The following RBM5 variants were observed in gnomAD, a reference collection of about 807,000 sequenced individuals.
RBM5 encodes RNA binding motif protein 5, also known as RNA-binding protein 5.
A neutral mutation model predicts 124.6 loss-of-function variants in RBM5; 15 were observed. The ratio of observed to expected loss-of-function variants is 0.12; its 90% CI spans 0.08 to 0.19. The LOEUF (loss-of-function observed/expected upper bound fraction) is 0.19. Ranked by LOEUF, RBM5 falls within the 10% of genes least tolerant of loss-of-function variation. The pLI, the probability that RBM5 is intolerant of heterozygous loss-of-function variation, is 1.00. For synonymous variants in RBM5, 337 were observed against 361.2 expected (o/e 0.93, Z 0.76); for missense variants, 580 against 1,026.5 (o/e 0.57, Z 5.94).
Position 50,093,782 on chromosome 3 carries a change from T to C in RBM5, c.246T>C (p.Tyr82=), listed in dbSNP as rs562253492. The change falls in exon 4 of 25, where the codon TAT becomes TAC. Residue 82 remains tyrosine (Y), a synonymous_variant. Coordinates refer to ENST00000347869, the MANE Select transcript of RBM5 (RefSeq NM_005778.4). ...ATGGCTACCATTCAGATGGTGACTA[T>C]GGTGAGCACGACTATAGGCATGACA... ...SEDGYHSDGD[Y]GEHDYRHDIS... 6 of 1,614,046 alleles carry C rather than the reference T, an allele frequency of 3.7e-6. No homozygotes were observed. The Admixed American group carries it at 6.7e-5, about 18-fold the overall frequency.
chr3:50,097,211 C>T (rs531708242), intron 4 of RBM5, among the ~76,000 whole-genome samples: 3 of 151,946 alleles, frequency 2.0e-5, no homozygotes, highest in South Asian at 2.1e-4. Flanking sequence ...CTGGCTAGCA[C>T]GGTGAAACCC....
At chr3:50,103,041 G>A in intron 6 of RBM5, 42 bp from the exon 7 acceptor site, 1 of 1,448,508 alleles carries the variant, frequency 6.9e-7, no homozygotes. Flanking sequence ...ATGGACACAT[G>A]TTCCTCACAA....
chr3:50,092,317 T>C, intron 3 of RBM5, 109 bp downstream of exon 3: 2 of 1,260,684 alleles, frequency 1.6e-6, no homozygotes, highest in Non-Finnish European at 2.2e-6. Context: ...ATCCTATCAC[T>C]TTGGGAGGCC....
In RBM5 at chr3:50,100,694, A is replaced by G. The variant is rs1178841539; in HGVS notation, c.483+89A>G. ...AAGGTTGAAGGAGTGGTTTGTTCCA[A>G]AGGAGTGACTTTTTTTTAAAAAAAA... is the stretch of plus-strand genomic sequence containing the variant. On this transcript the variant is annotated intron_variant, in intron 6 of 24. Coordinates refer to ENST00000347869, the MANE Select transcript of RBM5 (RefSeq NM_005778.4). This position sits in a 1 kb window ranked among gnomAD's most constrained non-coding sequence, Gnocchi z 5.1. The G allele has an allele frequency of 1.9e-6, 2 of 1,060,106 alleles. No homozygotes were observed. Among genetic ancestry groups the G allele is most frequent in the East Asian group, 4.9e-5 (2 of 40,484 alleles). 65.7% of individuals were successfully genotyped at this position (1,060,106 alleles called of 1,614,324 possible).
chr3:50,106,648 C>G, intron 10 of RBM5, 119 bp from the exon 11 acceptor site: 1 of 698,182 alleles, frequency 1.4e-6, no homozygotes. Flanking sequence ...TCTGCAAACA[C>G]AATAAGGAAT....
intron 22 of RBM5, chr3:50,116,816 G>C (rs557236628): frequency 4.4e-6 from 2 of 459,002 alleles, no homozygotes; most frequent in South Asian, 2.1e-5. Context: ...CTTGACAGAG[G>C]GTGGCTAATT....
chr3:50,100,131 C>A lies in RBM5; in HGVS notation c.409+80C>A. ...GTCCCTAAAGAACATCCTGATTCCC[C>A]CAGTCTTCAAGCACATGAATTCAGA... On this transcript the variant is annotated intron_variant, in intron 5 of 24. Transcript: ENST00000347869. The surrounding 1 kb of genome is among the most constrained non-coding windows in gnomAD (Gnocchi z 5.1). 1 of 1,262,916 alleles carries A rather than the reference C, an allele frequency of 7.9e-7. No individual in the cohort carries two copies. Among genetic ancestry groups the A allele is most frequent in the South Asian group, 1.3e-5 (1 of 74,688 alleles). 78.2% of individuals were successfully genotyped at this position (1,262,916 alleles called of 1,614,324 possible). A position where few individuals can be genotyped will look rare whatever the true frequency, so the allele number is the denominator to read the frequency against.
intron 15 of RBM5, chr3:50,109,921 T>C (rs148674728): frequency 1.5e-5 from 6 of 402,542 alleles, no homozygotes; most frequent in African/African-American, 1.2e-4. Flanking sequence ...CTTTAGAAAG[T>C]TGTCGCCGGG....
At chr3:50,104,512 A>G in intron 8 of RBM5, 1 of 545,390 alleles carries the variant, frequency 1.8e-6, no homozygotes, top group Non-Finnish European at 3.3e-6. Flanking sequence ...GTGTGGTGGC[A>G]CACACCTGTA....
intron 4 of RBM5, among the ~76,000 whole-genome samples, chr3:50,095,652 G>C (rs1463888431): frequency 6.6e-6 from 1 of 151,642 alleles, no homozygotes; most frequent in African/African-American, 2.4e-5. Context: ...TGATCTATCG[G>C]GCAGAGCTTC....
Position 50,118,559 on chromosome 3 carries a change from T to C in RBM5, c.*103T>C. ...TTAAGGGCATGCCTTGTGCTGTTAA[T>C]AGATCTTAGGGTGAACCACTTCATT... On this transcript the variant is annotated 3_prime_UTR_variant, in exon 25 of 25. Coordinates refer to ENST00000347869, the MANE Select transcript of RBM5 (RefSeq NM_005778.4). The C allele has an allele frequency of 2.0e-6, 3 of 1,468,054 alleles. No homozygotes were observed. The highest frequency in any genetic ancestry group is 2.8e-6 in the Non-Finnish European group (3 of 1,087,854). 90.9% of individuals were successfully genotyped at this position (1,468,054 alleles called of 1,614,324 possible).
chr3:50,106,008 G>A (rs1453611027), intron 10 of RBM5, among the ~76,000 whole-genome samples: 1 of 151,846 alleles, frequency 6.6e-6, no homozygotes, highest in East Asian at 1.9e-4. Flanking sequence ...GCTGGAGTGC[G>A]GTGGCACCAT....
At chr3:50,099,697 CAAAA>C (rs879899576) in intron 4 of RBM5, 3 of 133,378 alleles carry the variant, frequency 2.2e-5, no homozygotes, top group Non-Finnish European at 4.5e-5. Flanking sequence ...GACTCCGTCT[CAAAA>C]AAAAAAAAAA....
rs1354566857 is a variant in RBM5 at position 50,117,395 on chromosome 3, A to G, written c.2322+16A>G. On this transcript the variant is annotated intron_variant, in intron 24 of 24. Transcript: ENST00000347869. The surrounding 1 kb of genome is among the most constrained non-coding windows in gnomAD (Gnocchi z 4.2). ...TCCCATTGAGGTAAGCAGTGGGGTC[A>G]GGTCTTGATGTTTGCCAGGCTTACA... 6.2e-7 allele frequency: 1 copy of G among 1,613,244 alleles called. No homozygotes were observed. Among genetic ancestry groups the G allele is most frequent in the East Asian group, 2.2e-5 (1 of 44,878 alleles).
rs556944615 is a variant in RBM5 at position 50,093,138 on chromosome 3, CA to C, written c.184-568del. ...TGGACGACAGAGGGAGACTCTGTCT[CA>C]AAAAAAAAAAAAACCAGAAGGCCGG... On this transcript the variant is annotated intron_variant, in intron 3 of 24. Coordinates refer to ENST00000347869, the MANE Select transcript of RBM5 (RefSeq NM_005778.4). The C allele has an allele frequency of 4.3e-3, 373 of 86,466 alleles. 2 individuals are homozygous for C. Among genetic ancestry groups the C allele is most frequent in the South Asian group, 0.034 (98 of 2,878 alleles). 5.4% of individuals were successfully genotyped at this position (86,466 alleles called of 1,614,324 possible).
chr3:50,095,564 C>T (rs1227292886), intron 4 of RBM5, among the ~76,000 whole-genome samples: 1 of 151,888 alleles, frequency 6.6e-6, no homozygotes, highest in Non-Finnish European at 1.5e-5. Context: ...ACCCTACTTT[C>T]CACATCCTGG....
Position 50,118,171 on chromosome 3 carries a change from T to C in RBM5, c.2323-160T>C, listed in dbSNP as rs544999434. ...GCCCATTTTATTCCTCCAGTCCTTA[T>C]ACTTGCTCCTGGTCTCTTCTGGAGA... On this transcript the variant is annotated intron_variant, in intron 24 of 24. Transcript: ENST00000347869. 24 of 995,154 alleles carry C rather than the reference T, an allele frequency of 2.4e-5. No homozygotes were observed. In the Admixed American group the frequency reaches 4.2e-4, roughly 18 times the overall value. The allele number at this position is 995,154 out of a possible 1,614,324, so 61.6% of individuals were successfully genotyped here.
intron 22 of RBM5, chr3:50,116,349 G>A (rs746636489): frequency 3.2e-5 from 7 of 219,502 alleles, no homozygotes; most frequent in East Asian, 1.1e-4. Flanking sequence ...ACAGCAGGAC[G>A]TGAGGTTATT....
chr3:50,102,882 G>A (rs1040324501), intron 6 of RBM5: 6 of 555,262 alleles, frequency 1.1e-5, no homozygotes, highest in African/African-American at 5.7e-5. Context: ...CCCTGACTCC[G>A]TTTACCTTTA....
Sources: gnomAD v4.1 joint callset for allele counts (sites outside exome capture counted in the v4.1 genomes callset) on GRCh38, gnomAD v4.1.1 for gene constraint, Gnocchi (gnomAD v3.1) non-coding constraint, MANE v1.5 for transcripts, NCBI Gene and HGNC (gene_info 2026-07-23, HGNC 2026-07-21) for gene names.